The following C3 variants were observed in gnomAD, a reference collection of about 807,000 sequenced individuals.
C3 encodes C3 and PZP-like alpha-2-macroglobulin domain-containing protein 1.
C3 carries 97 observed loss-of-function variants against 207.9 expected under a neutral mutation model. The observed-to-expected ratio is 0.47, with a 90% CI of 0.40 to 0.55. The LOEUF (loss-of-function observed/expected upper bound fraction) is 0.55, where lower values mean the gene tolerates loss of function less well. C3 is among the 20% of genes least tolerant of loss of function. The pLI, the probability that C3 is intolerant of heterozygous loss-of-function variation, is 0.00. For missense variants in C3, 1,684 were observed against 2,171.7 expected, an observed-to-expected ratio of 0.78 and a Z score of 4.46; for synonymous variants, 848 against 857.6, an observed-to-expected ratio of 0.99 and a Z score of 0.20.
chr19:6,691,986 TCAAACA>T (rs955574315), intron 26 of C3, among the ~76,000 whole-genome samples: 6 of 118,510 alleles, frequency 5.1e-5, no homozygotes, highest in Admixed American at 4.3e-4. Flanking sequence ...AAACTCCATC[TCAAACA>T]CACACACACA....
At chr19:6,714,125 C>A in intron 6 of C3, 41 bp downstream of exon 6, 4 of 1,608,982 alleles carry the variant, frequency 2.5e-6, no homozygotes, top group Non-Finnish European at 3.4e-6. Context: ...CTGGGCCAGG[C>A]GTTCTGGGCA....
rs764289194 is a variant in C3 at position 6,709,860 on chromosome 19, A to T, written c.1687-18T>A. The T allele has an allele frequency of 6.2e-7, 1 of 1,611,336 alleles. No individual in the cohort carries two copies. The highest frequency in any genetic ancestry group is 1.3e-5 in the African/African-American group (1 of 74,626). ...ACCACCAGCTGTGGGGAGGGTGGAG[A>T]CGCCGAAAGAAGTCAGCCCTGGGAG... On this transcript the variant is annotated intron_variant, in intron 13 of 40. Coordinates refer to ENST00000245907, the MANE Select transcript of C3 (RefSeq NM_000064.4).
At chr19:6,682,862 G>A (rs11569551) in intron 33 of C3, 5,271 of 155,342 alleles carry the variant, frequency 0.034, 107 homozygotes, top group South Asian at 0.048. Context: ...AATGTATCAC[G>A]AAAAGAGGGA....
rs1917754558 is a variant in C3, at chr19:6,677,981, C to T, written c.4893G>A (p.Trp1631Ter). Residue 1631 changes from tryptophan to a stop codon, truncating the protein, a stop_gained, in exon 41 of 41, where the codon TGG (tryptophan) becomes TGA (stop). Transcript: ENST00000245907. LOFTEE classifies it high-confidence loss of function. ...CGTCTTGGCATTCGTCCTCCTCGGG[C>T]CAGTGCTCCACCCAAGTGTCCTTCC... ...IIGKDTWVEH[W>*]PEEDECQDEE... The T allele has an allele frequency of 1.9e-6, 3 of 1,614,118 alleles. No individual in the cohort carries two copies. In the South Asian group the frequency reaches 3.3e-5, roughly 18 times the overall value.
chr19:6,689,376 T>C (rs1270542325), intron 27 of C3, among the ~76,000 whole-genome samples: 2 of 127,668 alleles, frequency 1.6e-5, no homozygotes, highest in African/African-American at 5.9e-5. Flanking sequence ...TCTCTCTCTC[T>C]CTCTCTCTCT....
intron 33 of C3, 70 bp downstream of exon 33, chr19:6,684,318 A>G (rs1917940560): frequency 2.6e-6 from 3 of 1,172,030 alleles, no homozygotes; most frequent in Admixed American, 3.4e-5. Context: ...TATCATGGAT[A>G]TTATTTGCAA....
At chr19:6,690,123 C>T (rs754294030) in intron 27 of C3, among the ~76,000 whole-genome samples, 1 of 152,180 alleles carries the variant, frequency 6.6e-6, no homozygotes, top group Non-Finnish European at 1.5e-5. Flanking sequence ...CAGTGTTCAC[C>T]GTTTCCTGTT....
chr19:6,689,336 C>CTCTCTCTCTCTCTCT (rs1568213464), intron 27 of C3, among the ~76,000 whole-genome samples: 1 of 46,756 alleles, frequency 2.1e-5, no homozygotes, highest in African/African-American at 1.2e-4. Context: ...TACCTCCCTC[C>CTCTCTCTCTCTCTCT]CTCCCTCCCT....
At chr19:6,708,224 A>T (rs531679682) in intron 14 of C3, among the ~76,000 whole-genome samples, 1 of 151,500 alleles carries the variant, frequency 6.6e-6, no homozygotes, top group Non-Finnish European at 1.5e-5. Context: ...GTAACCTCCA[A>T]CTCCCAGGTT....
chr19:6,691,633 A>G (rs1489147690), intron 26 of C3, among the ~76,000 whole-genome samples: 1 of 152,160 alleles, frequency 6.6e-6, no homozygotes, highest in African/African-American at 2.4e-5. Context: ...TGAGGCAGTG[A>G]TTCTCCATCT....
At position 6,707,175 on chromosome 19, in the gene C3, G is replaced by C. The variant is rs1380131080; in HGVS notation, c.2146C>G (p.Leu716Val). The C allele has an allele frequency of 6.2e-7, 1 of 1,613,700 alleles. No individual in the cohort carries two copies. The highest frequency in any genetic ancestry group is 1.3e-5 in the African/African-American group (1 of 74,902). The stretch of plus-strand genomic sequence containing the variant: ...AAGACCTTCTTGCACGCCTCGCCCA[G>C]GGAGATGAAACGGGTCCGGCGCTGG... ...SCQRRTRFIS[L>V]GEACKKVFLD... The change falls in exon 17 of 41, where the codon CTG becomes GTG. Residue 716 changes from leucine to valine, a missense_variant. By Grantham distance (32) the Leu-to-Val change is conservative. Transcript: ENST00000245907.
chr19:6,713,688 C>A (rs1398312265), intron 7 of C3, 179 bp from the exon 8 acceptor site: 82 of 490,768 alleles, frequency 1.7e-4, no homozygotes, highest in Admixed American at 5.8e-5. Flanking sequence ...CCCACTCCCA[C>A]CCCCCACATG....
chr19:6,714,517 T>A (rs953631863), intron 4 of C3, 71 bp from the exon 5 acceptor site: 6 of 1,043,774 alleles, frequency 5.7e-6, no homozygotes, highest in South Asian at 5.2e-5. Flanking sequence ...CTCTCAGCTC[T>A]CCCCGACCTG....
chr19:6,678,814 A>G (rs1452623096), intron 38 of C3, among the ~76,000 whole-genome samples: 2 of 152,004 alleles, frequency 1.3e-5, no homozygotes, highest in Non-Finnish European at 2.9e-5. Context: ...TAACTTCAGG[A>G]CCTCACACTC....
chr19:6,697,947 C>T (rs995157849), intron 19 of C3, among the ~76,000 whole-genome samples, 153 bp from the exon 20 acceptor site: 6 of 151,922 alleles, frequency 3.9e-5, no homozygotes, highest in African/African-American at 1.2e-4. Flanking sequence ...TCAATGGCGA[C>T]AAATGACAGA....
In C3 at chr19:6,694,621, G is replaced by T; in HGVS notation, c.2964C>A (p.Ala988=). Residue 988 remains alanine, a synonymous_variant, in exon 24 of 41, where the codon GCC becomes GCA. Coordinates refer to ENST00000245907, the MANE Select transcript of C3 (RefSeq NM_000064.4). Reference sequence around the variant, plus strand: ...CGTCGACGGCATCCTCTGTCATCTGGGCCACTGGGGTCCCTGCAGCAGGTG... The same window carrying T: ...CGTCGACGGCATCCTCTGTCATCTGTGCCACTGGGGTCCCTGCAGCAGGTG... The part of the protein sequence containing the change: ...TRILLQGTPV[A]QMTEDAVDAE... 1 of 1,612,446 alleles carries T rather than the reference G, an allele frequency of 6.2e-7. No individual in the cohort carries two copies. Among genetic ancestry groups the T allele is most frequent in the Non-Finnish European group, 8.5e-7 (1 of 1,179,788 alleles).
Position 6,714,352 on chromosome 19 carries a change from T to C in C3, c.599A>G (p.Asn200Ser). 1 of 1,613,564 alleles carries C rather than the reference T, an allele frequency of 6.2e-7. No individual in the cohort carries two copies. The highest frequency in any genetic ancestry group is 8.5e-7 in the Non-Finnish European group (1 of 1,179,760). ...PLSWDIPELV[N>S]MGQWKIRAYY... The stretch of plus-strand genomic sequence containing the variant: ...CCCCCTCCTCAAGAACCTGACATAC[T>C]TGACGAGTTCCGGAATGTCCCAAGA... Residue 200 changes from asparagine to serine, a missense_variant and splice_region_variant, in exon 5 of 41, where the codon AAC becomes AGC. Asn to Ser is a conservative substitution (Grantham distance 46). This residue lies in a region of C3 where 1,280 missense variants were observed against 1,739.1 expected (regional missense o/e 0.74). Coordinates refer to ENST00000245907, the MANE Select transcript of C3 (RefSeq NM_000064.4).
intron 9 of C3, 64 bp downstream of exon 9, chr19:6,713,125 T>C (rs867361567): frequency 2.5e-6 from 4 of 1,592,818 alleles, no homozygotes; most frequent in Middle Eastern, 1.8e-4. Context: ...TCTTCTGACC[T>C]GGTCTCCCCT....
intron 4 of C3, among the ~76,000 whole-genome samples, chr19:6,715,619 G>GTTTTTTTTTTTTT (rs375022094): frequency 1.4e-5 from 1 of 71,308 alleles, no homozygotes; most frequent in Non-Finnish European, 3.0e-5. Context: ...TTTTTTTTTT[G>GTTTTTTTTTTTTT]TTTTTTTTGT....
Sources: allele counts gnomAD v4.1 joint callset (sites outside exome capture counted in the v4.1 genomes callset), GRCh38; gene constraint gnomAD v4.1.1; regional missense constraint gnomAD v4.1.1; transcripts MANE v1.5; gene names NCBI Gene and HGNC (gene_info 2026-07-23, HGNC 2026-07-21).